PTPRM: variants seen among roughly 807,000 people sequenced by gnomAD.
PTPRM encodes the protein receptor-type tyrosine-protein phosphatase mu.
PTPRM carries 47 observed loss-of-function variants against 186.7 expected under a neutral mutation model. The ratio of observed to expected loss-of-function variants is 0.25; its 90% CI spans 0.20 to 0.32. The LOEUF (loss-of-function observed/expected upper bound fraction) is 0.32. PTPRM is among the 10% of genes least tolerant of loss of function. The probability of loss-of-function intolerance (pLI) is 1.00; values close to 1 mark genes in which losing one functional copy is unlikely to be tolerated. For synonymous variants in PTPRM, 668 were observed against 674.9 expected (o/e 0.99, Z 0.16); for missense variants, 1,494 against 1,865.0 (o/e 0.80, Z 3.66).
At chr18:8,365,228 C>T (rs2095621143) in intron 23 of PTPRM, among the ~76,000 whole-genome samples, 1 of 152,204 alleles carries the variant, frequency 6.6e-6, no homozygotes, top group Admixed American at 6.5e-5. Context: ...TCAGCCTCTC[C>T]TTCACCACCA....
chr18:7,821,114 G>A (rs1250203765), intron 2 of PTPRM, among the ~76,000 whole-genome samples: 1 of 152,146 alleles, frequency 6.6e-6, no homozygotes, highest in African/African-American at 2.4e-5. Context: ...TAGTGGTGGA[G>A]AGAAAACCCA....
chr18:8,150,492 C>G (rs532771745), intron 14 of PTPRM, among the ~76,000 whole-genome samples: 4 of 152,144 alleles, frequency 2.6e-5, no homozygotes, highest in African/African-American at 9.6e-5. Context: ...CTTTTCAGCT[C>G]TATGAGGTCA....
intron 14 of PTPRM, among the ~76,000 whole-genome samples, chr18:8,180,063 A>G (rs1413963970): frequency 6.6e-6 from 1 of 152,140 alleles, no homozygotes; most frequent in Non-Finnish European, 1.5e-5. Flanking sequence ...ATCAGCTTGG[A>G]AGAGCAGAAC....
intron 2 of PTPRM, among the ~76,000 whole-genome samples, chr18:7,779,591 AT>A (rs895650077): frequency 6.6e-6 from 1 of 152,170 alleles, no homozygotes; most frequent in African/African-American, 2.4e-5. Flanking sequence ...TATCAGGCAC[AT>A]TTTCCTTGTG....
chr18:8,242,841 G>A (rs972518862), intron 14 of PTPRM, among the ~76,000 whole-genome samples: 6 of 152,182 alleles, frequency 3.9e-5, no homozygotes, highest in Non-Finnish European at 8.8e-5. Flanking sequence ...TAATATGAGT[G>A]TGATTTTGAT....
At chr18:8,228,239 A>G (rs879930248) in intron 14 of PTPRM, among the ~76,000 whole-genome samples, 2 of 152,034 alleles carry the variant, frequency 1.3e-5, no homozygotes, top group African/African-American at 2.4e-5. Flanking sequence ...GGTGGAACTG[A>G]TCTGTATGGG....
chr18:7,845,329 T>G (rs6506536), intron 2 of PTPRM, among the ~76,000 whole-genome samples: 107,519 of 152,080 alleles, frequency 0.71, 39,163 homozygotes, highest in East Asian at 0.96. Context: ...ATGGATTAAT[T>G]TATGATATCT....
At chr18:7,720,736 C>T (rs182902942) in intron 1 of PTPRM, among the ~76,000 whole-genome samples, 1 of 152,120 alleles carries the variant, frequency 6.6e-6, no homozygotes, top group South Asian at 2.1e-4. Context: ...CAATATTTAT[C>T]TTTTTGTGAC....
At chr18:8,145,681 C>G (rs2092867077) in intron 14 of PTPRM, among the ~76,000 whole-genome samples, 1 of 152,210 alleles carries the variant, frequency 6.6e-6, no homozygotes, top group Non-Finnish European at 1.5e-5. Flanking sequence ...CATAGTATTC[C>G]ATGGTGCGTA....
intron 1 of PTPRM, among the ~76,000 whole-genome samples, chr18:7,762,945 T>G (rs2041844606): frequency 6.6e-6 from 1 of 152,188 alleles, no homozygotes; most frequent in African/African-American, 2.4e-5. Context: ...CACCTCTAAG[T>G]TCAATCTTCC....
rs191857489 is a variant in PTPRM, at chr18:7,605,427, C to G, written c.73+37536C>G. On this transcript the variant is annotated intron_variant, in intron 1 of 32. Coordinates refer to ENST00000580170, the MANE Select transcript of PTPRM (RefSeq NM_001105244.2). ...AGAAATCAGCAAAAATGTCCCCCCC[C>G]CACTTCCGTTCTAGTACCATACTTT... Among the ~76,000 whole-genome samples the G allele has an allele frequency of 4.8e-3, 729 of 151,804 alleles. 6 individuals carry two copies. Among genetic ancestry groups the G allele is most frequent in the African/African-American group, 0.017 (699 of 41,292 alleles).
In PTPRM at chr18:8,376,180, C is replaced by T. The variant is rs1287726632; in HGVS notation, c.3306C>T (p.Gly1102=). 1.9e-6 allele frequency: 3 copies of T among 1,612,692 alleles called. No homozygotes were observed. Among genetic ancestry groups the T allele is most frequent in the Non-Finnish European group, 2.5e-6 (3 of 1,179,602 alleles). ...QVKSKSPPSA[G]PLVVHCSAGA... ...AGTCCAAGAGCCCGCCCAGTGCAGG[C>T]CCACTGGTGGTGCACTGCAGGTAAG... Residue 1102 remains glycine (G), a synonymous_variant, in exon 25 of 33, where the codon GGC becomes GGT. Transcript: ENST00000580170.
intron 22 of PTPRM, among the ~76,000 whole-genome samples, chr18:8,341,165 G>A (rs899541234): frequency 6.6e-5 from 10 of 152,208 alleles, no homozygotes; most frequent in African/African-American, 2.2e-4. Context: ...GAAAGGTGCT[G>A]TGTTTTCAAG....
chr18:7,692,469 A>C (rs557128077), intron 1 of PTPRM, among the ~76,000 whole-genome samples: 2 of 152,236 alleles, frequency 1.3e-5, no homozygotes, highest in Non-Finnish European at 2.9e-5. Context: ...TGACAGTATG[A>C]AACCTTTCTT....
At chr18:7,673,678 A>G (rs2039269895) in intron 1 of PTPRM, among the ~76,000 whole-genome samples, 1 of 152,250 alleles carries the variant, frequency 6.6e-6, no homozygotes, top group Non-Finnish European at 1.5e-5. Context: ...ATAAAAATGG[A>G]AACAAAAACA....
At chr18:8,067,560 T>C (rs1477932574) in intron 7 of PTPRM, among the ~76,000 whole-genome samples, 1 of 152,242 alleles carries the variant, frequency 6.6e-6, no homozygotes, top group African/African-American at 2.4e-5. Flanking sequence ...CATTTTATGA[T>C]TGCAGCAGAT....
intron 7 of PTPRM, among the ~76,000 whole-genome samples, chr18:7,975,252 G>A (rs961930561): frequency 5.3e-5 from 8 of 152,362 alleles, no homozygotes; most frequent in African/African-American, 1.7e-4. Context: ...CAATCCAGCA[G>A]TTGTGTCCTT....
chr18:8,212,571 A>G (rs1399674063), intron 14 of PTPRM, among the ~76,000 whole-genome samples: 2 of 152,168 alleles, frequency 1.3e-5, no homozygotes, highest in Non-Finnish European at 2.9e-5. Context: ...GTGGGGGGCC[A>G]AGGCAGGAGG....
intron 1 of PTPRM, among the ~76,000 whole-genome samples, chr18:7,724,310 T>G (rs2040504993): frequency 6.6e-6 from 1 of 152,246 alleles, no homozygotes; most frequent in Non-Finnish European, 1.5e-5. Context: ...TCATGATCGT[T>G]TCTGTTGTTG....
Sources: allele counts gnomAD v4.1 joint callset (sites outside exome capture counted in the v4.1 genomes callset), GRCh38; gene constraint gnomAD v4.1.1; transcripts MANE v1.5; gene names NCBI Gene and HGNC (gene_info 2026-07-23, HGNC 2026-07-21).